Variants in ERCC8 observed in about 807,000 individuals in gnomAD.
ERCC8 encodes ERCC excision repair 8, CSA ubiquitin ligase complex subunit, also known as DNA excision repair protein ERCC-8.
Under a neutral mutation model 54.9 loss-of-function variants are expected in ERCC8, and 52 were observed. The ratio of observed to expected loss-of-function variants is 0.95; its 90% CI spans 0.76 to 1.19. The LOEUF is 1.19. ERCC8 is among the 50% of genes most tolerant of loss of function. The pLI, the probability that ERCC8 is intolerant of heterozygous loss-of-function variation, is 0.00. For missense variants in ERCC8, 514 were observed against 466.1 expected (o/e 1.10, Z -0.95); for synonymous variants, 146 against 157.2 (o/e 0.93, Z 0.53).
intron 9 of ERCC8, chr5:60,892,305 T>C: frequency 1.8e-6 from 1 of 557,994 alleles, no homozygotes. Context: ...TTGATCTCCA[T>C]TTTGAGTGGG....
chr5:60,882,992 C>CACACAT (rs1748286008), intron 11 of ERCC8, among the ~76,000 whole-genome samples: 1 of 151,464 alleles, frequency 6.6e-6, no homozygotes, highest in African/African-American at 2.4e-5. Context: ...CACACACACA[C>CACACAT]ACACACACAC....
At chr5:60,898,251 A>C in intron 9 of ERCC8, 25 bp downstream of exon 9, 1 of 1,609,636 alleles carries the variant, frequency 6.2e-7, no homozygotes, top group African/African-American at 1.3e-5. Context: ...ATTTATACCC[A>C]AATATATACT....
intron 8 of ERCC8, among the ~76,000 whole-genome samples, 177 bp downstream of exon 8, chr5:60,899,446 TAAAG>T (rs1215769263): frequency 6.6e-6 from 1 of 152,078 alleles, no homozygotes; most frequent in Non-Finnish European, 1.5e-5. Context: ...ATTTGTATCT[TAAAG>T]AAAGAGAATC....
At chr5:60,918,974 G>A (rs1189203788) in intron 3 of ERCC8, among the ~76,000 whole-genome samples, 1 of 151,970 alleles carries the variant, frequency 6.6e-6, no homozygotes, top group East Asian at 1.9e-4. Context: ...ACCTTGTGAG[G>A]GTGGTATGCT....
At chr5:60,918,507 C>T (rs1749507666) in intron 3 of ERCC8, 119 bp from the exon 4 acceptor site, 7 of 818,580 alleles carry the variant, frequency 8.6e-6, no homozygotes, top group Non-Finnish European at 1.4e-5. Flanking sequence ...ACCGAGATCA[C>T]ATGCCTGTGT....
In ERCC8 at chr5:60,886,970, T is replaced by G. The variant is rs188501876; in HGVS notation, c.1122+470A>C. Among the ~76,000 whole-genome samples, 348 of 152,152 alleles carry G rather than the reference T, an allele frequency of 2.3e-3. 1 individual carries two copies. The highest frequency in any genetic ancestry group is 7.9e-3 in the African/African-American group (329 of 41,544). On this transcript the variant is annotated intron_variant, in intron 11 of 11. Transcript: ENST00000676185. ...AGAAATGTTTACACATAGTTATTAA[T>G]GACATGAAAAAAGGCTTATTGTACA...
At position 60,868,426 on chromosome 5, in the gene ERCC8, C is replaced by T. The variant is rs544819841; in HGVS notation, c.*6189G>A. Among the ~76,000 whole-genome samples, 64 of 152,214 alleles carry T rather than the reference C, an allele frequency of 4.2e-4. No individual in the cohort carries two copies. Among genetic ancestry groups the T allele is most frequent in the African/African-American group, 1.5e-3 (64 of 41,536 alleles). On this transcript the variant is annotated 3_prime_UTR_variant, in exon 12 of 12. Coordinates refer to ENST00000676185, the MANE Select transcript of ERCC8 (RefSeq NM_000082.4). ...TGGTCAGTCAAGAGGACATTGGGCACCTGAAAAGTCCTACACACAGAGAAC... is the reference window on the plus strand; with the variant it reads ...TGGTCAGTCAAGAGGACATTGGGCATCTGAAAAGTCCTACACACAGAGAAC...
intron 11 of ERCC8, among the ~76,000 whole-genome samples, chr5:60,887,231 T>C (rs1198750691): frequency 2.0e-5 from 3 of 152,222 alleles, no homozygotes; most frequent in Non-Finnish European, 4.4e-5. Flanking sequence ...TTGTTGTTGT[T>C]GTTCTGAGAT....
At chr5:60,879,235 C>T (rs1211052369) in intron 11 of ERCC8, among the ~76,000 whole-genome samples, 6 of 151,956 alleles carry the variant, frequency 3.9e-5, no homozygotes, top group African/African-American at 7.3e-5. Flanking sequence ...TCTGAAAGAC[C>T]GTTTGCTATA....
At chr5:60,917,569 T>C (rs1050209365) in intron 4 of ERCC8, 7 of 152,110 alleles carry the variant, frequency 4.6e-5, no homozygotes, top group African/African-American at 1.7e-4. Flanking sequence ...AAAGGCAAGG[T>C]AAATAGAAAA....
rs1183374093 is a variant in ERCC8 at position 60,874,643 on chromosome 5, G to C, written c.1163C>G (p.Ala388Gly). 3.1e-6 allele frequency: 5 copies of C among 1,612,422 alleles called. No homozygotes were observed. The African/African-American group carries it at 5.4e-5, about 17-fold the overall frequency. ...KSQLNPAFED[A>G]WSSSDEEG ...TCCTTCTTCATCACTGCTGCTCCAG[G>C]CATCTTCAAAGGCCGGATTTAATTG... is the stretch of plus-strand genomic sequence containing the variant. Residue 388 changes from alanine to glycine, a missense_variant, in exon 12 of 12, where the codon GCC becomes GGC. By Grantham distance (60) the Ala-to-Gly change is moderately conservative (BLOSUM62 0). Coordinates refer to ENST00000676185, the MANE Select transcript of ERCC8 (RefSeq NM_000082.4).
At chr5:60,906,730 AAAATAAATAAAT>A (rs142093470) in intron 4 of ERCC8, among the ~76,000 whole-genome samples, 1 of 149,826 alleles carries the variant, frequency 6.7e-6, no homozygotes, top group East Asian at 2.0e-4. Context: ...CTCTGTCTCA[AAAATAAATAAAT>A]AAATAAATAA....
At chr5:60,888,380 A>G (rs1366537429) in intron 10 of ERCC8, among the ~76,000 whole-genome samples, 4 of 152,320 alleles carry the variant, frequency 2.6e-5, no homozygotes, top group Admixed American at 6.5e-5. Flanking sequence ...AAGTTACACT[A>G]ACTGTGGCTG....
chr5:60,905,216 G>T (rs1231150233), intron 4 of ERCC8, among the ~76,000 whole-genome samples: 1 of 152,142 alleles, frequency 6.6e-6, no homozygotes, highest in East Asian at 1.9e-4. Flanking sequence ...TCTCAGTTCC[G>T]TATAACCTGA....
At chr5:60,886,687 T>G (rs4647134) in intron 11 of ERCC8, among the ~76,000 whole-genome samples, 128,271 of 150,588 alleles carry the variant, frequency 0.85, 55,049 homozygotes, top group African/African-American at 0.96. Flanking sequence ...GGGCGACAGA[T>G]TGAGACTCCA....
At chr5:60,912,855 G>A (rs866148268) in intron 4 of ERCC8, among the ~76,000 whole-genome samples, 2 of 151,992 alleles carry the variant, frequency 1.3e-5, no homozygotes, top group African/African-American at 4.8e-5. Flanking sequence ...ATAATCATGC[G>A]GTTTTTGTCA....
chr5:60,899,739 T>C lies in ERCC8; in HGVS notation c.618-12A>G. On this transcript the variant is annotated splice_polypyrimidine_tract_variant and intron_variant, in intron 7 of 11. Coordinates refer to ENST00000676185, the MANE Select transcript of ERCC8 (RefSeq NM_000082.4). ...CTCTACTGTCAGCACTGAGAAGAAATAAATGTTACATTGACATATGTAGCT... is the reference window on the plus strand; with the variant it reads ...CTCTACTGTCAGCACTGAGAAGAAACAAATGTTACATTGACATATGTAGCT... 2 of 1,579,340 alleles carry C rather than the reference T, an allele frequency of 1.3e-6. No individual in the cohort carries two copies. The highest frequency in any genetic ancestry group is 1.1e-5 in the South Asian group (1 of 90,408).
chr5:60,930,373 A>G (rs1328337245), intron 1 of ERCC8, among the ~76,000 whole-genome samples: 3 of 152,218 alleles, frequency 2.0e-5, no homozygotes, highest in African/African-American at 7.2e-5. Context: ...TCTGGCCAAC[A>G]TGGTGAAACC....
rs1057195940 is a variant in ERCC8 at position 60,867,578 on chromosome 5, T to C, written c.*7037A>G. On this transcript the variant is annotated 3_prime_UTR_variant, in exon 12 of 12. Coordinates refer to ENST00000676185, the MANE Select transcript of ERCC8 (RefSeq NM_000082.4). The stretch of plus-strand genomic sequence containing the variant: ...ATTAGAATATTACAATAAAAGTTAA[T>C]AACTCAGTTCTCAAAGACTTATTAG... Among the ~76,000 whole-genome samples, 2 of 152,234 alleles carry C rather than the reference T, an allele frequency of 1.3e-5. No homozygotes were observed. Among genetic ancestry groups the C allele is most frequent in the South Asian group, 2.1e-4 (1 of 4,832 alleles).
Sources: gnomAD v4.1 joint callset for allele counts (sites outside exome capture counted in the v4.1 genomes callset) on GRCh38, gnomAD v4.1.1 for gene constraint, MANE v1.5 for transcripts, NCBI Gene and HGNC (gene_info 2026-07-23, HGNC 2026-07-21) for gene names.